RGS6: variants seen among roughly 807,000 people sequenced by gnomAD.
The protein encoded by RGS6 is regulator of G protein signaling 6.
A neutral mutation model predicts 78.5 loss-of-function variants in RGS6; 30 were observed. The observed-to-expected ratio is 0.38, with a 90% CI of 0.29 to 0.52. The LOEUF (loss-of-function observed/expected upper bound fraction) is 0.52. Among genes scored for constraint, RGS6 ranks in the 20% least tolerant of loss-of-function variants. The probability of loss-of-function intolerance (pLI) is 0.85; values close to 1 mark genes in which losing one functional copy is unlikely to be tolerated. For missense variants in RGS6, 495 were observed against 609.7 expected (o/e 0.81, Z 1.98); for synonymous variants, 206 against 206.0 (o/e 1.00, Z 0.00).
the RGS6 span, among the ~76,000 whole-genome samples, chr14:72,611,722 T>C: frequency 6.6e-6 from 1 of 152,130 alleles, no homozygotes; most frequent in African/African-American, 2.4e-5. Flanking sequence ...GATGCTGTCA[T>C]CCAAGGGCAT....
the RGS6 span, among the ~76,000 whole-genome samples, chr14:71,907,259 T>C: frequency 2.1e-4 from 32 of 152,206 alleles, no homozygotes; most frequent in Non-Finnish European, 1.5e-5. Context: ...GCTTTTGGGC[T>C]AGGAGAGCCA....
At chr14:72,351,623 T>C (rs2079120580) in intron 2 of RGS6, among the ~76,000 whole-genome samples, 1 of 152,188 alleles carries the variant, frequency 6.6e-6, no homozygotes, top group African/African-American at 2.4e-5. Context: ...GTCCCAAAGG[T>C]AGCCCTGTCT....
intron 2 of RGS6, among the ~76,000 whole-genome samples, chr14:72,214,310 G>A (rs983960860): frequency 6.6e-6 from 1 of 151,576 alleles, no homozygotes; most frequent in African/African-American, 2.4e-5. Context: ...TTGAGTAGCT[G>A]GGACCAAAGG....
intron 3 of RGS6, among the ~76,000 whole-genome samples, chr14:72,431,603 C>T (rs2094643159): frequency 1.3e-5 from 2 of 151,782 alleles, no homozygotes; most frequent in Non-Finnish European, 2.9e-5. Flanking sequence ...AGGCTGGTCT[C>T]ATCTCTTGGC....
At chr14:72,195,363 T>C (rs2039827043) in intron 2 of RGS6, among the ~76,000 whole-genome samples, 1 of 152,178 alleles carries the variant, frequency 6.6e-6, no homozygotes, top group African/African-American at 2.4e-5. Flanking sequence ...TATTCAAATC[T>C]GGGGCTTAGG....
intron 1 of RGS6, among the ~76,000 whole-genome samples, chr14:71,941,685 GT>G (rs2090588582): frequency 6.6e-6 from 1 of 152,128 alleles, no homozygotes; most frequent in African/African-American, 2.4e-5. Flanking sequence ...TCCTTTTCAT[GT>G]TTTTCTGCCT....
intron 8 of RGS6, among the ~76,000 whole-genome samples, chr14:72,471,135 A>G (rs1369972286): frequency 6.6e-6 from 1 of 151,316 alleles, no homozygotes; most frequent in Non-Finnish European, 1.5e-5. Context: ...TCTTCTTTCA[A>G]GTCTACCAAT....
At chr14:72,260,468 C>CCA (rs1192378417) in intron 2 of RGS6, among the ~76,000 whole-genome samples, 2 of 152,158 alleles carry the variant, frequency 1.3e-5, no homozygotes, top group Non-Finnish European at 2.9e-5. Context: ...TGGCCACCAG[C>CCA]CACCATCACA....
intron 3 of RGS6, among the ~76,000 whole-genome samples, chr14:72,418,165 A>G (rs1159696945): frequency 6.6e-6 from 1 of 151,692 alleles, no homozygotes; most frequent in African/African-American, 2.4e-5. Context: ...CTCTCTTCAA[A>G]ATAAACTTTT....
chr14:72,478,658 C>T (rs2096296233), intron 12 of RGS6, among the ~76,000 whole-genome samples: 1 of 152,208 alleles, frequency 6.6e-6, no homozygotes, highest in Non-Finnish European at 1.5e-5. Context: ...GCTCCCCTTT[C>T]AGCTATAAAA....
chr14:72,186,430 C>T (rs971693643), intron 2 of RGS6, among the ~76,000 whole-genome samples: 22 of 152,206 alleles, frequency 1.4e-4, no homozygotes, highest in Non-Finnish European at 1.5e-5. Context: ...ATGTGTTTAT[C>T]TTCTCCAGGA....
the RGS6 span, among the ~76,000 whole-genome samples, chr14:72,615,056 G>A: frequency 6.6e-6 from 1 of 152,086 alleles, no homozygotes; most frequent in East Asian, 1.9e-4. Context: ...CGTGGCTCTG[G>A]CCAGAGCCAA....
At chr14:72,118,383 GT>G (rs1392501346) in intron 2 of RGS6, among the ~76,000 whole-genome samples, 1 of 152,020 alleles carries the variant, frequency 6.6e-6, no homozygotes, top group African/African-American at 2.4e-5. Flanking sequence ...CCTTCATAAG[GT>G]TTTACTCTTT....
At chr14:72,009,412 G>T (rs2085240509) in intron 2 of RGS6, among the ~76,000 whole-genome samples, 1 of 152,160 alleles carries the variant, frequency 6.6e-6, no homozygotes, top group African/African-American at 2.4e-5. Flanking sequence ...TTCCCTGGTA[G>T]ACAGCATTTT....
intron 3 of RGS6, among the ~76,000 whole-genome samples, chr14:72,383,979 A>G (rs2087055117): frequency 6.6e-6 from 1 of 152,332 alleles, no homozygotes; most frequent in East Asian, 1.9e-4. Flanking sequence ...TTGTAATAAT[A>G]TATCTGTAAG....
At chr14:72,076,187 A>G (rs528807884) in intron 2 of RGS6, among the ~76,000 whole-genome samples, 70 of 152,324 alleles carry the variant, frequency 4.6e-4, no homozygotes, top group African/African-American at 1.5e-3. Context: ...CGCCCTCCAC[A>G]GGCACCTTAG....
intron 2 of RGS6, among the ~76,000 whole-genome samples, chr14:72,328,387 A>T (rs771004426): frequency 3.3e-5 from 5 of 152,234 alleles, no homozygotes; most frequent in Non-Finnish European, 7.3e-5. Context: ...CCCAGTACAT[A>T]ATAAGCACTC....
At chr14:72,083,365 G>C (rs1001718251) in intron 2 of RGS6, among the ~76,000 whole-genome samples, 2 of 152,180 alleles carry the variant, frequency 1.3e-5, no homozygotes, top group African/African-American at 4.8e-5. Flanking sequence ...AGAGGCCACA[G>C]ACACTGCTAA....
the RGS6 span, among the ~76,000 whole-genome samples, chr14:71,919,807 A>G: frequency 1.2e-4 from 18 of 152,228 alleles, no homozygotes; most frequent in African/African-American, 4.1e-4. Context: ...CAGCCTGGCC[A>G]ACATGGTGAA....
Sources: allele counts gnomAD v4.1 joint callset (sites outside exome capture counted in the v4.1 genomes callset), GRCh38; gene constraint gnomAD v4.1.1; transcripts MANE v1.5; gene names NCBI Gene and HGNC (gene_info 2026-07-23, HGNC 2026-07-21).